The following DMGDH variants were observed in gnomAD, a reference collection of about 807,000 sequenced individuals.
DMGDH encodes the protein dimethylglycine dehydrogenase, mitochondrial.
In DMGDH, 76 loss-of-function variants were observed where a neutral mutation model predicts 95.2. That is an observed-to-expected ratio of 0.80 (90% CI 0.66 to 0.97). The LOEUF (loss-of-function observed/expected upper bound fraction) is 0.97, where lower values mean the gene tolerates loss of function less well. DMGDH is among the 50% of genes least tolerant of loss of function. The pLI is 0.00. For missense variants in DMGDH, 987 were observed against 1,055.0 expected (o/e 0.94, Z 0.89); for synonymous variants, 345 against 377.6 (o/e 0.91, Z 1.00).
At chr5:79,053,009 G>C (rs553525774) in intron 4 of DMGDH, among the ~76,000 whole-genome samples, 1 of 152,188 alleles carries the variant, frequency 6.6e-6, no homozygotes, top group South Asian at 2.1e-4. Flanking sequence ...TAATGCAAGG[G>C]AGTCAGAGAG....
At chr5:79,033,444 A>T in intron 7 of DMGDH, 36 bp from the exon 8 acceptor site, 3 of 1,611,126 alleles carry the variant, frequency 1.9e-6, no homozygotes, top group African/African-American at 1.3e-5. Flanking sequence ...CATTACTAAC[A>T]CATGTAGTTT....
intron 5 of DMGDH, 80 bp downstream of exon 5, chr5:79,051,207 A>G (rs112323050): frequency 2.1e-5 from 30 of 1,424,780 alleles, no homozygotes; most frequent in Non-Finnish European, 2.9e-5. Flanking sequence ...GACAATGTCC[A>G]TCGTACGAAA....
rs202144638 is a variant in DMGDH at position 79,028,623 on chromosome 5, A to G, written c.1842T>C (p.Gly614=). Residue 614 remains glycine (G), a synonymous_variant, in exon 12 of 16, where the codon GGT becomes GGC. Coordinates refer to ENST00000255189, the MANE Select transcript of DMGDH (RefSeq NM_013391.3). ...TGTTTTTAATTTCAACATCATATCC[A>G]CCTTTGACTGCTTCTTCTTCAATCC... The part of the protein sequence containing the change: ...LRWIEEEAVK[G]GYDVEIKNIT... 1 of 1,614,078 alleles carries G rather than the reference A, an allele frequency of 6.2e-7. No homozygotes were observed.
intron 6 of DMGDH, among the ~76,000 whole-genome samples, chr5:79,043,004 C>T (rs905200815): frequency 1.3e-5 from 2 of 152,144 alleles, no homozygotes; most frequent in Non-Finnish European, 2.9e-5. Flanking sequence ...CTCCAGCCTG[C>T]CCCCATACAC....
At chr5:79,042,686 A>G (rs867224099) in intron 6 of DMGDH, among the ~76,000 whole-genome samples, 3 of 152,240 alleles carry the variant, frequency 2.0e-5, no homozygotes, top group Non-Finnish European at 2.9e-5. Flanking sequence ...TGTTCTTGAA[A>G]CAAAATCATA....
At chr5:79,064,942 G>T (rs1755328472) in intron 1 of DMGDH, among the ~76,000 whole-genome samples, 1 of 152,106 alleles carries the variant, frequency 6.6e-6, no homozygotes, top group Non-Finnish European at 1.5e-5. Flanking sequence ...TAGAGATGAG[G>T]TTTCACCATG....
chr5:79,000,622 A>G (rs1753437084), intron 15 of DMGDH: 1 of 617,780 alleles, frequency 1.6e-6, no homozygotes, highest in Admixed American at 1.9e-5. Context: ...TTCACATTCA[A>G]CATCTTCCTC....
At position 79,031,045 on chromosome 5, in the gene DMGDH, C is replaced by T. The variant is rs764586775; in HGVS notation, c.1518-47G>A. ...CATAAAACAACTCCCGTTCATTTTT[C>T]AAAAATTACAGAATACGATATTTTA... On this transcript the variant is annotated intron_variant, in intron 9 of 15. Coordinates refer to ENST00000255189, the MANE Select transcript of DMGDH (RefSeq NM_013391.3). 7.5e-6 allele frequency: 12 copies of T among 1,604,424 alleles called. No individual in the cohort carries two copies. The Admixed American group carries it at 2.0e-4, about 27-fold the overall frequency.
intron 5 of DMGDH, among the ~76,000 whole-genome samples, chr5:79,048,950 A>T (rs1048126111): frequency 1.3e-5 from 2 of 152,208 alleles, no homozygotes; most frequent in African/African-American, 4.8e-5. Context: ...AAGTTTCAGC[A>T]AAGAAATGCC....
chr5:79,056,436 G>A (rs748344951), intron 2 of DMGDH, among the ~76,000 whole-genome samples: 4 of 152,024 alleles, frequency 2.6e-5, no homozygotes, highest in South Asian at 2.1e-4. Flanking sequence ...CCAGCTACTC[G>A]GGAGGCTGAG....
chr5:79,000,077 G>C (rs1753428263), intron 15 of DMGDH: 1 of 367,708 alleles, frequency 2.7e-6, no homozygotes, highest in African/African-American at 2.1e-5. Context: ...GGATACTCCT[G>C]GATTTTCACT....
chr5:79,018,984 C>T (rs1199299298), intron 14 of DMGDH, among the ~76,000 whole-genome samples: 1 of 152,134 alleles, frequency 6.6e-6, no homozygotes, highest in Non-Finnish European at 1.5e-5. Context: ...TCCTCTCCTT[C>T]CCCTTATCAC....
intron 11 of DMGDH, 129 bp downstream of exon 11, chr5:79,029,775 T>G: frequency 9.9e-7 from 1 of 1,014,054 alleles, no homozygotes; most frequent in South Asian, 1.7e-5. Context: ...AAAATAAAGT[T>G]TATTTGAAAC....
intron 7 of DMGDH, among the ~76,000 whole-genome samples, chr5:79,036,793 T>C (rs1302977425): frequency 6.6e-6 from 1 of 152,160 alleles, no homozygotes; most frequent in East Asian, 1.9e-4. Context: ...TGTTTGCTTG[T>C]TTGTTGCAAT....
chr5:79,064,358 GAA>G (rs112515671), intron 1 of DMGDH, among the ~76,000 whole-genome samples: 1 of 139,874 alleles, frequency 7.1e-6, no homozygotes, highest in African/African-American at 2.6e-5. Context: ...GTCTCAAAAG[GAA>G]AAAAAAAAAA....
At chr5:79,045,205 G>A (rs1754637063) in intron 5 of DMGDH, among the ~76,000 whole-genome samples, 1 of 152,160 alleles carries the variant, frequency 6.6e-6, no homozygotes, top group African/African-American at 2.4e-5. Context: ...TTATTGTAAA[G>A]GCACAAAAGC....
chr5:79,060,561 C>T (rs994621922), intron 2 of DMGDH, among the ~76,000 whole-genome samples: 3 of 152,152 alleles, frequency 2.0e-5, no homozygotes, highest in African/African-American at 7.2e-5. Context: ...TAGTCTGCCT[C>T]TTGTTAGCTG....
intron 1 of DMGDH, among the ~76,000 whole-genome samples, chr5:79,064,250 G>A (rs1755303452): frequency 6.6e-6 from 1 of 152,068 alleles, no homozygotes; most frequent in South Asian, 2.1e-4. Flanking sequence ...CTACTTGGGA[G>A]GCTGAGGTAA....
intron 2 of DMGDH, among the ~76,000 whole-genome samples, chr5:79,061,225 A>G (rs1052704358): frequency 7.5e-5 from 2 of 26,520 alleles, no homozygotes; most frequent in African/African-American, 2.8e-4. Flanking sequence ...TCTCAAACAC[A>G]CACACACACA....
Sources: allele counts gnomAD v4.1 joint callset (sites outside exome capture counted in the v4.1 genomes callset), GRCh38; gene constraint gnomAD v4.1.1; transcripts MANE v1.5; gene names NCBI Gene and HGNC (gene_info 2026-07-23, HGNC 2026-07-21).